MGMT: variants seen among roughly 807,000 people sequenced by gnomAD.
MGMT encodes the protein O-6-methylguanine-DNA methyltransferase.
MGMT carries 14 observed loss-of-function variants against 15.9 expected under a neutral mutation model. The observed-to-expected ratio is 0.88, with a 90% CI of 0.58 to 1.37. The LOEUF (loss-of-function observed/expected upper bound fraction) is 1.37, where lower values mean the gene tolerates loss of function less well. Ranked by LOEUF, MGMT falls within the 40% of genes most tolerant of loss-of-function variation. The pLI, the probability that MGMT is intolerant of heterozygous loss-of-function variation, is 0.00. For synonymous variants in MGMT, 130 were observed against 118.2 expected (o/e 1.10, Z -0.65); for missense variants, 282 against 268.1 (o/e 1.05, Z -0.36).
chr10:129,516,047 A>G (rs1845734892), intron 1 of MGMT, among the ~76,000 whole-genome samples: 1 of 152,092 alleles, frequency 6.6e-6, no homozygotes, highest in African/African-American at 2.4e-5. Context: ...GAGCAGCCTC[A>G]CTCTGTGCTG....
chr10:129,542,248 C>T (rs1038308641), intron 2 of MGMT, among the ~76,000 whole-genome samples: 3 of 152,078 alleles, frequency 2.0e-5, no homozygotes, highest in African/African-American at 4.8e-5. Context: ...CATGGGGTCC[C>T]GGCTGGCTTG....
intron 1 of MGMT, among the ~76,000 whole-genome samples, chr10:129,502,401 C>T (rs1036496806): frequency 6.6e-6 from 1 of 152,114 alleles, no homozygotes; most frequent in African/African-American, 2.4e-5. Context: ...CGTTCCTACC[C>T]AGCTAGACCT....
chr10:129,536,149 T>C (rs1395651456), intron 1 of MGMT, 92 bp from the exon 2 acceptor site: 6 of 1,365,878 alleles, frequency 4.4e-6, no homozygotes, highest in Non-Finnish European at 6.1e-6. Flanking sequence ...GAATATATTT[T>C]GTGTCTTAAA....
intron 2 of MGMT, among the ~76,000 whole-genome samples, chr10:129,590,225 CAT>C (rs1167902976): frequency 2.6e-5 from 4 of 152,330 alleles, no homozygotes; most frequent in African/African-American, 7.2e-5. Context: ...CTTGGAAACA[CAT>C]GTTTAATATA....
At chr10:129,559,267 AT>A (rs920434726) in intron 2 of MGMT, among the ~76,000 whole-genome samples, 20 of 152,228 alleles carry the variant, frequency 1.3e-4, no homozygotes, top group African/African-American at 4.6e-4. Context: ...ATTCAGAATG[AT>A]TTTTTTCAAA....
intron 2 of MGMT, among the ~76,000 whole-genome samples, chr10:129,692,159 T>G (rs1446034505): frequency 6.6e-6 from 1 of 152,116 alleles, no homozygotes; most frequent in Non-Finnish European, 1.5e-5. Context: ...GTAAATAGAA[T>G]TAGCAGAGGA....
rs1848991388 is a variant in MGMT, at chr10:129,770,782, GCTGGGATGTCCTCGGGCCTCCCCTGTT to G, written c.*3786_*3812del. ...AACGGCCCTTGCTTCGGCCACAGCT[GCTGGGATGTCCTCGGGCCTCCCCTGTT>G]TGTCTGCATGTCTTCTTGTTGCCAT... On this transcript the variant is annotated 3_prime_UTR_variant, in exon 5 of 5. Coordinates refer to ENST00000651593, the MANE Select transcript of MGMT (RefSeq NM_002412.5). Among the ~76,000 whole-genome samples the G allele has an allele frequency of 1.3e-5, 2 of 152,314 alleles. No individual in the cohort carries two copies. The highest frequency in any genetic ancestry group is 3.9e-4 in the East Asian group (2 of 5,164).
chr10:129,525,566 CTTG>C (rs1194670655), intron 1 of MGMT, among the ~76,000 whole-genome samples: 2 of 152,282 alleles, frequency 1.3e-5, no homozygotes, highest in African/African-American at 2.4e-5. Context: ...CCCCAGGGCT[CTTG>C]TTGTTAGAGT....
chr10:129,558,065 A>C (rs1252603790), intron 2 of MGMT, among the ~76,000 whole-genome samples: 1 of 152,156 alleles, frequency 6.6e-6, no homozygotes, highest in Non-Finnish European at 1.5e-5. Context: ...CCGTAACACC[A>C]CATCATCCCA....
At chr10:129,484,852 A>G (rs2119642645) in intron 1 of MGMT, among the ~76,000 whole-genome samples, 1 of 152,234 alleles carries the variant, frequency 6.6e-6, no homozygotes, top group Admixed American at 6.5e-5. Flanking sequence ...GTCCAGGGAT[A>G]GTTTAGTCCT....
intron 2 of MGMT, among the ~76,000 whole-genome samples, chr10:129,538,375 G>A (rs1429345008): frequency 6.6e-6 from 1 of 152,202 alleles, no homozygotes; most frequent in Non-Finnish European, 1.5e-5. Flanking sequence ...GATGGCAAAT[G>A]TATGTTTAAC....
intron 2 of MGMT, among the ~76,000 whole-genome samples, chr10:129,671,409 CCTGGGG>C (rs1471032134): frequency 6.6e-6 from 1 of 151,072 alleles, no homozygotes; most frequent in East Asian, 1.9e-4. Flanking sequence ...TAAACTATGG[CCTGGGG>C]CTGGGGCTGG....
chr10:129,533,458 A>G lies in MGMT; in HGVS notation c.-12-2783A>G, dbSNP rs920983060. Among the ~76,000 whole-genome samples, 1 of 152,140 alleles carries G rather than the reference A, an allele frequency of 6.6e-6. No individual in the cohort carries two copies. Among genetic ancestry groups the G allele is most frequent in the Non-Finnish European group, 1.5e-5 (1 of 68,024 alleles). ...CCCGAACTGGGATGATAGAGCAGCA[A>G]ACATGGCTCCATGGAGAGCGAAACC... On this transcript the variant is annotated intron_variant, in intron 1 of 4. Transcript: ENST00000651593. The surrounding 1 kb of genome is among the most constrained non-coding windows in gnomAD (Gnocchi z 4.5).
intron 2 of MGMT, among the ~76,000 whole-genome samples, chr10:129,663,832 C>T (rs1043608388): frequency 6.6e-6 from 1 of 152,138 alleles, no homozygotes; most frequent in African/African-American, 2.4e-5. Context: ...AGAACTACCT[C>T]ACAAAATGGG....
chr10:129,700,349 T>G (rs1848084022), intron 2 of MGMT: 1 of 152,352 alleles, frequency 6.6e-6, no homozygotes, highest in African/African-American at 2.4e-5. Flanking sequence ...TTCAAATAAT[T>G]GCATGCGCTT....
chr10:129,708,065 G>C, intron 3 of MGMT, 22 bp downstream of exon 3: 1 of 1,601,736 alleles, frequency 6.2e-7, no homozygotes, highest in East Asian at 2.2e-5. Flanking sequence ...AGCCATCTGC[G>C]GTGTTTCCTT....
chr10:129,593,767 G>A (rs1846717823), intron 2 of MGMT, among the ~76,000 whole-genome samples: 1 of 152,176 alleles, frequency 6.6e-6, no homozygotes, highest in South Asian at 2.1e-4. Context: ...GTTTTCAAGA[G>A]GTTGAGTATT....
chr10:129,469,081 G>A (rs146589065), intron 1 of MGMT, among the ~76,000 whole-genome samples: 2 of 152,022 alleles, frequency 1.3e-5, no homozygotes, highest in African/African-American at 4.8e-5. Context: ...CTTACTTTTC[G>A]TTGTTTGGGT....
chr10:129,574,878 C>A (rs188180462), intron 2 of MGMT, among the ~76,000 whole-genome samples: 1 of 152,152 alleles, frequency 6.6e-6, no homozygotes, highest in African/African-American at 2.4e-5. Context: ...AGATCTCTTA[C>A]ATCTAATATT....
Sources: allele counts gnomAD v4.1 joint callset (sites outside exome capture counted in the v4.1 genomes callset), GRCh38; gene constraint gnomAD v4.1.1; non-coding constraint Gnocchi (gnomAD v3.1); transcripts MANE v1.5; gene names NCBI Gene and HGNC (gene_info 2026-07-23, HGNC 2026-07-21).